FER: variants seen among roughly 807,000 people sequenced by gnomAD.
The protein encoded by FER is tyrosine-protein kinase Fer.
A neutral mutation model predicts 111.0 loss-of-function variants in FER; 63 were observed. The ratio of observed to expected loss-of-function variants is 0.57; its 90% CI spans 0.46 to 0.70. The LOEUF (loss-of-function observed/expected upper bound fraction) is 0.70. FER is among the 30% of genes least tolerant of loss of function. The probability of loss-of-function intolerance (pLI) is 0.00; values close to 1 mark genes in which losing one functional copy is unlikely to be tolerated. For synonymous variants in FER, 327 were observed against 313.9 expected (o/e 1.04, Z -0.44); for missense variants, 914 against 954.0 (o/e 0.96, Z 0.55).
chr5:108,874,339 C>G (rs1191942280), intron 8 of FER, among the ~76,000 whole-genome samples: 1 of 151,890 alleles, frequency 6.6e-6, no homozygotes, highest in Non-Finnish European at 1.5e-5. Flanking sequence ...AGTGATGAAG[C>G]AGTAAACAAA....
At position 109,059,374 on chromosome 5, in the gene FER, A is replaced by G. The variant is rs573771631; in HGVS notation, c.1924+12176A>G. On this transcript the variant is annotated intron_variant, in intron 16 of 19. Transcript: ENST00000281092. ...CCTGCCTCTACTAAAAAAAAAAAAA[A>G]AAAATTAGCTGGGTGTGGTGGCGCA... is the stretch of plus-strand genomic sequence containing the variant. Among the ~76,000 whole-genome samples the G allele has an allele frequency of 9.5e-4, 145 of 152,180 alleles. 1 individual carries two copies. The highest frequency in any genetic ancestry group is 3.3e-3 in the African/African-American group (138 of 41,542).
At chr5:108,980,287 G>T in intron 13 of FER, among the ~76,000 whole-genome samples, 1 of 152,010 alleles carries the variant, frequency 6.6e-6, no homozygotes, top group East Asian at 1.9e-4. Flanking sequence ...GGTAGGCCAG[G>T]AGAGAGTAAA....
At chr5:109,179,015 G>A (rs1028472373) in intron 17 of FER, among the ~76,000 whole-genome samples, 1 of 151,874 alleles carries the variant, frequency 6.6e-6, no homozygotes, top group South Asian at 2.1e-4. Flanking sequence ...TTGCCTTATT[G>A]GAACTACTGT....
chr5:109,037,319 T>G, intron 13 of FER, 103 bp from the exon 14 acceptor site: 1 of 862,860 alleles, frequency 1.2e-6, no homozygotes, highest in East Asian at 2.5e-5. Context: ...TTGAATGGTC[T>G]GAATGAAATA....
chr5:108,819,733 A>G, intron 3 of FER: 2 of 920,604 alleles, frequency 2.2e-6, no homozygotes, highest in Non-Finnish European at 2.6e-6. Flanking sequence ...TGTTCATTCT[A>G]TGTGAGAGAG....
At chr5:109,057,457 G>A (rs72790597) in intron 16 of FER, among the ~76,000 whole-genome samples, 25,056 of 152,078 alleles carry the variant, frequency 0.16, 2,140 homozygotes, top group South Asian at 0.21. Context: ...TCAGATATTA[G>A]AAGGATAATG....
At chr5:108,935,513 G>A (rs1275314550) in intron 10 of FER, among the ~76,000 whole-genome samples, 3 of 152,054 alleles carry the variant, frequency 2.0e-5, no homozygotes, top group East Asian at 1.9e-4. Flanking sequence ...TACATTCATA[G>A]GTTCTTAGTG....
chr5:108,856,456 T>C (rs1242323967), intron 5 of FER, among the ~76,000 whole-genome samples: 1 of 152,210 alleles, frequency 6.6e-6, no homozygotes, highest in Admixed American at 6.5e-5. Context: ...GTTCATCAAC[T>C]TATTAGATAC....
rs1432270964 is a variant in FER, at chr5:108,756,171, A to AT, written c.-206+8171_-206+8172insT. ...AACTCCATCTCAAAAAAAAAAAAAA[A>AT]AATAATAATAATAAATACAATAAAA... On this transcript the variant is annotated intron_variant, in intron 1 of 19. Transcript: ENST00000281092. Among the ~76,000 whole-genome samples, 305 of 142,922 alleles carry AT rather than the reference A, an allele frequency of 2.1e-3. 1 individual carries two copies. Among genetic ancestry groups the AT allele is most frequent in the African/African-American group, 5.4e-3 (211 of 38,908 alleles). The allele number at this position is 142,922 out of a possible 152,430, so 93.8% of individuals were successfully genotyped here. A position where few individuals can be genotyped will look rare whatever the true frequency, so the allele number is the denominator to read the frequency against.
chr5:108,787,358 T>C (rs892446808), intron 2 of FER, among the ~76,000 whole-genome samples: 3 of 152,188 alleles, frequency 2.0e-5, no homozygotes, highest in Admixed American at 1.3e-4. Flanking sequence ...GGCACCAGCC[T>C]GCAGGCGCCT....
At chr5:109,079,917 T>G (rs1776792710) in intron 16 of FER, among the ~76,000 whole-genome samples, 1 of 152,134 alleles carries the variant, frequency 6.6e-6, no homozygotes, top group African/African-American at 2.4e-5. Flanking sequence ...TTCTGATAAT[T>G]TATTAATTAC....
intron 13 of FER, among the ~76,000 whole-genome samples, chr5:108,963,429 GCA>G (rs1452888007): frequency 6.6e-6 from 1 of 152,024 alleles, no homozygotes; most frequent in Non-Finnish European, 1.5e-5. Flanking sequence ...AGGTGTGGTG[GCA>G]CACACCTATA....
At chr5:108,828,223 A>G (rs1759675746) in intron 3 of FER, among the ~76,000 whole-genome samples, 1 of 152,138 alleles carries the variant, frequency 6.6e-6, no homozygotes, top group South Asian at 2.1e-4. Flanking sequence ...GTACTTTGTT[A>G]AAATGGATAG....
At chr5:108,811,969 T>C (rs188224711) in intron 3 of FER, among the ~76,000 whole-genome samples, 73 of 152,278 alleles carry the variant, frequency 4.8e-4, no homozygotes, top group Admixed American at 1.0e-3. Flanking sequence ...AATGCTAATC[T>C]CTTCTGGAAA....
intron 18 of FER, among the ~76,000 whole-genome samples, chr5:109,183,376 G>C (rs112747930): frequency 0.13 from 19,103 of 150,078 alleles, 1,291 homozygotes; most frequent in Middle Eastern, 0.2. Context: ...AGCCTCCCCA[G>C]TAGCTGGGAC....
intron 13 of FER, among the ~76,000 whole-genome samples, chr5:109,036,733 A>G (rs1423608120): frequency 6.7e-6 from 1 of 149,294 alleles, no homozygotes. Context: ...ATTTTTTCTT[A>G]CATTATGGTA....
chr5:109,140,667 C>G lies in FER; in HGVS notation c.2049-40080C>G, dbSNP rs1025354685. Among the ~76,000 whole-genome samples the G allele has an allele frequency of 2.6e-5, 4 of 152,064 alleles. No individual in the cohort carries two copies. The East Asian group carries it at 7.7e-4, about 29-fold the overall frequency. On this transcript the variant is annotated intron_variant, in intron 17 of 19. Transcript: ENST00000281092. ...AGTCTTGGACTTCAAATGCTTTTTCCTTTGGTAATGCTGCTAATGATAGCA... is the reference window on the plus strand; with the variant it reads ...AGTCTTGGACTTCAAATGCTTTTTCGTTTGGTAATGCTGCTAATGATAGCA...
intron 17 of FER, among the ~76,000 whole-genome samples, chr5:109,122,655 C>T (rs59430990): frequency 0.015 from 2,221 of 152,158 alleles, 65 homozygotes; most frequent in African/African-American, 0.05. Flanking sequence ...ATGTCCAATG[C>T]GGAAAGTGGG....
intron 5 of FER, among the ~76,000 whole-genome samples, chr5:108,862,595 A>ATACCTT (rs1554080958): frequency 1.3e-3 from 200 of 152,226 alleles, no homozygotes; most frequent in Non-Finnish European, 1.8e-3. Flanking sequence ...AATTCAGTGA[A>ATACCTT]TTGATTATAC....
Sources: allele counts gnomAD v4.1 joint callset (sites outside exome capture counted in the v4.1 genomes callset), GRCh38; gene constraint gnomAD v4.1.1; transcripts MANE v1.5; gene names NCBI Gene and HGNC (gene_info 2026-07-23, HGNC 2026-07-21).